EYS: variants seen among roughly 807,000 people sequenced by gnomAD.
EYS encodes protein eyes shut homolog.
EYS carries 250 observed loss-of-function variants against 282.1 expected under a neutral mutation model. The ratio of observed to expected loss-of-function variants is 0.89; its 90% CI spans 0.80 to 0.98. The LOEUF (loss-of-function observed/expected upper bound fraction) is 0.98. EYS is among the 50% of genes least tolerant of loss of function. The pLI is 0.00. For missense variants in EYS, 4,016 were observed against 3,709.0 expected, an observed-to-expected ratio of 1.08 and a Z score of -2.15; for synonymous variants, 1,355 against 1,282.9, an observed-to-expected ratio of 1.06 and a Z score of -1.20.
chr6:63,793,164 A>T (rs1770559987), intron 37 of EYS, among the ~76,000 whole-genome samples: 1 of 152,174 alleles, frequency 6.6e-6, no homozygotes, highest in Non-Finnish European at 1.5e-5. Context: ...ATGAATCATC[A>T]AGGAACCCTA....
intron 26 of EYS, among the ~76,000 whole-genome samples, chr6:64,456,591 G>A (rs1048282559): frequency 6.6e-6 from 1 of 151,966 alleles, no homozygotes; most frequent in Non-Finnish European, 1.5e-5. Flanking sequence ...ATTTGCTCCA[G>A]ATTGTATTTA....
chr6:65,504,817 A>C (rs2127280524), intron 2 of EYS, among the ~76,000 whole-genome samples: 1 of 151,730 alleles, frequency 6.6e-6, no homozygotes, highest in Admixed American at 6.6e-5. Context: ...AAGTTTAAAT[A>C]TTTGTTGAGA....
chr6:64,821,317 C>T lies in EYS; in HGVS notation c.3243+328G>A, dbSNP rs188435125. Among the ~76,000 whole-genome samples the T allele has an allele frequency of 2.9e-4, 44 of 152,020 alleles. No homozygotes were observed. In the East Asian group the frequency reaches 7.0e-3, roughly 24 times the overall value. On this transcript the variant is annotated intron_variant, in intron 21 of 42. Transcript: ENST00000503581. ...CTCTGTCTCCTAAGACCAGGGAGGA[C>T]GAGGCAGATGGTAAAATTTAAGCCA...
chr6:64,039,651 T>G (rs1003252625), intron 33 of EYS, among the ~76,000 whole-genome samples: 1 of 152,126 alleles, frequency 6.6e-6, no homozygotes, highest in Non-Finnish European at 1.5e-5. Context: ...GAATATAAGG[T>G]TGCCATTGTT....
At chr6:63,835,474 C>G (rs1041659061) in intron 36 of EYS, among the ~76,000 whole-genome samples, 1 of 151,860 alleles carries the variant, frequency 6.6e-6, no homozygotes, top group Non-Finnish European at 1.5e-5. Flanking sequence ...AGTGACGTAA[C>G]TCAGGAATGA....
At chr6:63,833,254 T>C (rs1771698612) in intron 36 of EYS, among the ~76,000 whole-genome samples, 1 of 152,100 alleles carries the variant, frequency 6.6e-6, no homozygotes, top group Non-Finnish European at 1.5e-5. Context: ...GTGTATTCAA[T>C]TAGGAAAAGA....
chr6:63,764,688 G>T (rs749569870), intron 40 of EYS, among the ~76,000 whole-genome samples: 9 of 151,798 alleles, frequency 5.9e-5, no homozygotes, highest in Non-Finnish European at 1.3e-4. Context: ...TAAAACACTT[G>T]CTTGGATATT....
At chr6:64,477,066 C>T (rs921526010) in intron 26 of EYS, among the ~76,000 whole-genome samples, 5 of 152,084 alleles carry the variant, frequency 3.3e-5, no homozygotes, top group African/African-American at 1.2e-4. Flanking sequence ...TCAAGAAAGT[C>T]CCCAACCAAT....
intron 5 of EYS, among the ~76,000 whole-genome samples, chr6:65,406,070 T>C (rs1766723938): frequency 6.6e-6 from 1 of 152,128 alleles, no homozygotes; most frequent in Non-Finnish European, 1.5e-5. Flanking sequence ...CTCCACATTC[T>C]TGCCAACATT....
chr6:65,580,072 T>A lies in EYS; in HGVS notation c.-333+59706A>T, dbSNP rs1764815557. Among the ~76,000 whole-genome samples, 4 of 152,242 alleles carry A rather than the reference T, an allele frequency of 2.6e-5. No individual in the cohort carries two copies. In the South Asian group the frequency reaches 8.3e-4, roughly 32 times the overall value. On this transcript the variant is annotated intron_variant, in intron 2 of 42. Coordinates refer to ENST00000503581, the MANE Select transcript of EYS (RefSeq NM_001142800.2). ...ATCAGAATATAATTAATTCAATAATTTTGTTTTACAGACCTAAGACACATG... is the reference window on the plus strand; with the variant it reads ...ATCAGAATATAATTAATTCAATAATATTGTTTTACAGACCTAAGACACATG...
At chr6:64,839,568 C>T (rs143594315) in intron 19 of EYS, among the ~76,000 whole-genome samples, 18 of 152,024 alleles carry the variant, frequency 1.2e-4, no homozygotes, top group African/African-American at 4.1e-4. Context: ...GCAAGTTTTC[C>T]CTTTTTTTCT....
chr6:64,705,319 A>G (rs1583061903), intron 22 of EYS, among the ~76,000 whole-genome samples: 1 of 152,068 alleles, frequency 6.6e-6, no homozygotes, highest in African/African-American at 2.4e-5. Flanking sequence ...AATACTGCTG[A>G]AGGAAATCAT....
At chr6:65,563,615 C>A (rs1411310911) in intron 2 of EYS, among the ~76,000 whole-genome samples, 1 of 151,856 alleles carries the variant, frequency 6.6e-6, no homozygotes, top group African/African-American at 2.4e-5. Context: ...CAATTGACAA[C>A]CATTATGACA....
chr6:65,492,352 A>ACAAAG (rs1562219494), intron 4 of EYS, among the ~76,000 whole-genome samples: 71 of 138,250 alleles, frequency 5.1e-4, no homozygotes, highest in African/African-American at 1.9e-3. Flanking sequence ...AACAAAGAGA[A>ACAAAG]AGAAAGAAAG....
chr6:64,888,912 T>C (rs1183519664), intron 18 of EYS, among the ~76,000 whole-genome samples: 1 of 152,076 alleles, frequency 6.6e-6, no homozygotes, highest in African/African-American at 2.4e-5. Flanking sequence ...CAAGAAATGA[T>C]TTGTTTCATA....
chr6:65,244,345 AC>A (rs1191570214), intron 12 of EYS, among the ~76,000 whole-genome samples: 1 of 152,166 alleles, frequency 6.6e-6, no homozygotes, highest in African/African-American at 2.4e-5. Context: ...AATTCACTTT[AC>A]CTACAAATTA....
At chr6:64,409,309 C>T (rs1234877244) in intron 28 of EYS, among the ~76,000 whole-genome samples, 1 of 152,118 alleles carries the variant, frequency 6.6e-6, no homozygotes, top group African/African-American at 2.4e-5. Context: ...TAGGTATATA[C>T]CCAGCAATGG....
At chr6:64,627,787 A>T (rs1377478570) in intron 22 of EYS, among the ~76,000 whole-genome samples, 1 of 152,072 alleles carries the variant, frequency 6.6e-6, no homozygotes, top group African/African-American at 2.4e-5. Context: ...AAACAATAAG[A>T]CTTGCTTTAG....
intron 31 of EYS, among the ~76,000 whole-genome samples, chr6:64,227,159 ATATTTTAGTT>A (rs1243211955): frequency 6.6e-6 from 1 of 151,984 alleles, no homozygotes; most frequent in Non-Finnish European, 1.5e-5. Context: ...TCTGCTTTTT[ATATTTTAGTT>A]TAAGTGAAAT....
Sources: gnomAD v4.1 joint callset for allele counts (sites outside exome capture counted in the v4.1 genomes callset) on GRCh38, gnomAD v4.1.1 for gene constraint, MANE v1.5 for transcripts, NCBI Gene and HGNC (gene_info 2026-07-23, HGNC 2026-07-21) for gene names.